Variants in KHDRBS3 observed in about 807,000 individuals in gnomAD.
The protein encoded by KHDRBS3 is KH RNA binding domain containing, signal transduction associated 3, also known as KH domain-containing, RNA-binding, signal transduction-associated protein 3.
In KHDRBS3, 23 loss-of-function variants were observed where a neutral mutation model predicts 45.6. The ratio of observed to expected loss-of-function variants is 0.50; its 90% CI spans 0.36 to 0.72. KHDRBS3 has a LOEUF of 0.72. Among genes scored for constraint, KHDRBS3 ranks in the 30% least tolerant of loss-of-function variants. The probability of loss-of-function intolerance (pLI) is 0.00; values close to 1 mark genes in which losing one functional copy is unlikely to be tolerated. For synonymous variants in KHDRBS3, 162 were observed against 156.5 expected, an observed-to-expected ratio of 1.04 and a Z score of -0.26; for missense variants, 352 against 424.8, an observed-to-expected ratio of 0.83 and a Z score of 1.51.
chr8:135,499,369 GGCT>G (rs999566341), intron 1 of KHDRBS3, among the ~76,000 whole-genome samples: 3 of 152,074 alleles, frequency 2.0e-5, no homozygotes, highest in East Asian at 3.9e-4. Context: ...AAAGTTACGC[GGCT>G]GCTAAGTGGT....
Position 135,647,381 on chromosome 8 carries a change from A to G in KHDRBS3, c.*297A>G, listed in dbSNP as rs1275762151. 1.0e-5 allele frequency: 2 copies of G among 200,974 alleles called. No individual in the cohort carries two copies. Among genetic ancestry groups the G allele is most frequent in the East Asian group, 1.0e-4 (1 of 9,550 alleles). The allele number at this position is 200,974 out of a possible 1,614,324, so 12.4% of individuals were successfully genotyped here. ...ATAGGTTTACTAAATATGTTAATCTATTCTTTTAACATAAGCCTCACCTTT... is the reference window on the plus strand; with the variant it reads ...ATAGGTTTACTAAATATGTTAATCTGTTCTTTTAACATAAGCCTCACCTTT... On this transcript the variant is annotated 3_prime_UTR_variant, in exon 9 of 9. Coordinates refer to ENST00000355849, the MANE Select transcript of KHDRBS3 (RefSeq NM_006558.3).
intron 1 of KHDRBS3, among the ~76,000 whole-genome samples, chr8:135,506,310 G>A (rs186045990): frequency 3.9e-5 from 6 of 152,154 alleles, no homozygotes; most frequent in Non-Finnish European, 8.8e-5. Context: ...CAGCAGGACA[G>A]ATGATAAAAA....
Position 135,520,988 on chromosome 8 carries a change from T to A in KHDRBS3, c.89-249T>A, listed in dbSNP as rs537882997. Among the ~76,000 whole-genome samples, 12 of 152,358 alleles carry A rather than the reference T, an allele frequency of 7.9e-5. No individual in the cohort carries two copies. The South Asian group carries it at 1.4e-3, about 18-fold the overall frequency. ...AAGTAACTTATTTTTGTGTTGTTTA[T>A]CTGGTCTGTTTTTCTCCTCTGTTGG... On this transcript the variant is annotated intron_variant, in intron 1 of 8. Transcript: ENST00000355849.
intron 1 of KHDRBS3, among the ~76,000 whole-genome samples, chr8:135,514,700 T>C (rs774645807): frequency 1.8e-4 from 28 of 152,196 alleles, no homozygotes; most frequent in Non-Finnish European, 3.5e-4. Context: ...TATGGTTTTT[T>C]TTAATAACAG....
In KHDRBS3 at chr8:135,611,503, C is replaced by T. The variant is rs541935088; in HGVS notation, c.890+4466C>T. Among the ~76,000 whole-genome samples the T allele has an allele frequency of 5.9e-5, 9 of 151,964 alleles. No homozygotes were observed. The East Asian group carries it at 1.7e-3, about 29-fold the overall frequency. On this transcript the variant is annotated intron_variant, in intron 7 of 8. Transcript: ENST00000355849. Reference sequence around the variant, plus strand: ...TGGTTCTATGCACCATATTAGTTTACTATATGGGGCTGCCATAATAAAACG... The same window carrying T: ...TGGTTCTATGCACCATATTAGTTTATTATATGGGGCTGCCATAATAAAACG...
chr8:135,522,964 G>T (rs1274495687), intron 2 of KHDRBS3, among the ~76,000 whole-genome samples: 1 of 152,110 alleles, frequency 6.6e-6, no homozygotes, highest in African/African-American at 2.4e-5. Context: ...AATCAGGTGA[G>T]CATGTAAGTG....
rs757818089 is a variant in KHDRBS3 at position 135,521,371 on chromosome 8, C to G, written c.207+16C>G. On this transcript the variant is annotated intron_variant, in intron 2 of 8. Transcript: ENST00000355849. ...GTTCCCTAAGGTAAGACAGTGAGGT[C>G]TACACTGCAGGTATTTTAACCTGAA... The G allele has an allele frequency of 7.4e-6, 10 of 1,356,444 alleles. No individual in the cohort carries two copies. In the Admixed American group the frequency reaches 8.7e-5, roughly 12 times the overall value. The allele number at this position is 1,356,444 out of a possible 1,614,324, so 84.0% of individuals were successfully genotyped here.
At chr8:135,473,975 C>T (rs987550315) in intron 1 of KHDRBS3, among the ~76,000 whole-genome samples, 2 of 152,130 alleles carry the variant, frequency 1.3e-5, no homozygotes, top group Non-Finnish European at 2.9e-5. Context: ...GAGAGAACAG[C>T]GGGATCCTTG....
chr8:135,483,816 A>G (rs1010196308), intron 1 of KHDRBS3, among the ~76,000 whole-genome samples: 2 of 152,028 alleles, frequency 1.3e-5, no homozygotes, highest in African/African-American at 4.8e-5. Context: ...CTCTCTCCCT[A>G]TCTAGGGCTG....
intron 5 of KHDRBS3, among the ~76,000 whole-genome samples, chr8:135,574,660 T>C (rs1389853470): frequency 1.3e-5 from 2 of 152,202 alleles, no homozygotes; most frequent in South Asian, 2.1e-4. Flanking sequence ...AGTTTAAATA[T>C]ACACTAACTA....
intron 6 of KHDRBS3, among the ~76,000 whole-genome samples, chr8:135,582,340 A>G (rs1324433420): frequency 6.6e-6 from 1 of 152,130 alleles, no homozygotes; most frequent in Non-Finnish European, 1.5e-5. Flanking sequence ...GGTTCAGGAG[A>G]CATATTTTCA....
intron 1 of KHDRBS3, among the ~76,000 whole-genome samples, chr8:135,464,222 G>T (rs1402203033): frequency 6.6e-6 from 1 of 152,156 alleles, no homozygotes; most frequent in Non-Finnish European, 1.5e-5. Context: ...AATTTCCATT[G>T]GTGATGAATT....
intron 7 of KHDRBS3, among the ~76,000 whole-genome samples, 189 bp from the exon 8 acceptor site, chr8:135,644,870 A>G (rs1028033620): frequency 6.6e-6 from 1 of 151,576 alleles, no homozygotes; most frequent in Non-Finnish European, 1.5e-5. Flanking sequence ...AGGGAGCTAG[A>G]CAAGGGTCCT....
chr8:135,626,034 G>C lies in KHDRBS3; in HGVS notation c.890+18997G>C, dbSNP rs1163469766. On this transcript the variant is annotated intron_variant, in intron 7 of 8. Transcript: ENST00000355849. Reference sequence around the variant, plus strand: ...CTGCCCGCACCCAGCTCCGGTTCCAGTTCCTTACTTTTTAGGCAAGAATGA... The same window carrying C: ...CTGCCCGCACCCAGCTCCGGTTCCACTTCCTTACTTTTTAGGCAAGAATGA... 21 of 604,600 alleles carry C rather than the reference G, an allele frequency of 3.5e-5. No homozygotes were observed. In the East Asian group the frequency reaches 5.4e-4, roughly 16 times the overall value. 37.5% of individuals were successfully genotyped at this position (604,600 alleles called of 1,614,324 possible). A position where few individuals can be genotyped will look rare whatever the true frequency, so the allele number is the denominator to read the frequency against.
chr8:135,474,939 G>A (rs1455104923), intron 1 of KHDRBS3, among the ~76,000 whole-genome samples: 1 of 152,212 alleles, frequency 6.6e-6, no homozygotes, highest in African/African-American at 2.4e-5. Flanking sequence ...TCCAGCTCTG[G>A]AGGCTGCTTA....
At chr8:135,653,078 C>T (rs1403846670) in intron 4 of KHDRBS3, among the ~76,000 whole-genome samples, 1 of 152,084 alleles carries the variant, frequency 6.6e-6, no homozygotes, top group East Asian at 1.9e-4. Flanking sequence ...GTGTCTGCTG[C>T]CTAACACAGG....
At chr8:135,558,881 G>A (rs914394888) in intron 5 of KHDRBS3, among the ~76,000 whole-genome samples, 2 of 152,112 alleles carry the variant, frequency 1.3e-5, no homozygotes, top group Non-Finnish European at 2.9e-5. Context: ...TGTTGGCAAG[G>A]TCGTTCTCTC....
At chr8:135,479,795 G>C (rs1290798787) in intron 1 of KHDRBS3, among the ~76,000 whole-genome samples, 1 of 152,138 alleles carries the variant, frequency 6.6e-6, no homozygotes, top group Non-Finnish European at 1.5e-5. Flanking sequence ...GACCATAGAA[G>C]CTTCCCAACT....
chr8:135,467,246 T>C (rs761975667), intron 1 of KHDRBS3, among the ~76,000 whole-genome samples: 6 of 152,256 alleles, frequency 3.9e-5, no homozygotes, highest in Non-Finnish European at 8.8e-5. Context: ...ATTACACATA[T>C]ATTTCTGTTC....
Sources: gnomAD v4.1 joint callset for allele counts (sites outside exome capture counted in the v4.1 genomes callset) on GRCh38, gnomAD v4.1.1 for gene constraint, MANE v1.5 for transcripts, NCBI Gene and HGNC (gene_info 2026-07-23, HGNC 2026-07-21) for gene names.